The following SNX29 variants were observed in gnomAD, a reference collection of about 807,000 sequenced individuals.
SNX29 encodes the protein sorting nexin-29.
A neutral mutation model predicts 102.1 loss-of-function variants in SNX29; 78 were observed. The ratio of observed to expected loss-of-function variants is 0.76; its 90% CI spans 0.64 to 0.92. The LOEUF is 0.92. Among genes scored for constraint, SNX29 ranks in the 40% least tolerant of loss-of-function variants. SNX29 has a pLI of 0.00. For synonymous variants in SNX29, 580 were observed against 414.5 expected (o/e 1.40, Z -4.85); for missense variants, 1,280 against 1,061.7 (o/e 1.21, Z -2.86).
chr16:12,441,699 A>G (rs2085815081), intron 18 of SNX29, among the ~76,000 whole-genome samples: 1 of 152,132 alleles, frequency 6.6e-6, no homozygotes, highest in Non-Finnish European at 1.5e-5. Flanking sequence ...TCCTTTGCCT[A>G]CTTGAGGACA....
At chr16:12,052,454 T>A in intron 8 of SNX29, 1 of 437,726 alleles carries the variant, frequency 2.3e-6, no homozygotes. Context: ...TGACCTCAAG[T>A]GATCTGCCTG....
At chr16:12,398,233 G>C (rs1351626368) in intron 16 of SNX29, among the ~76,000 whole-genome samples, 2 of 152,108 alleles carry the variant, frequency 1.3e-5, no homozygotes, top group African/African-American at 2.4e-5. Flanking sequence ...AGATAATTGA[G>C]ATCCCTCATG....
intron 18 of SNX29, among the ~76,000 whole-genome samples, chr16:12,458,912 T>A (rs901216124): frequency 6.6e-6 from 1 of 152,180 alleles, no homozygotes; most frequent in South Asian, 2.1e-4. Flanking sequence ...AGTGGCAAAA[T>A]CTTACCTTGA....
chr16:12,382,256 G>C (rs1453563365), intron 16 of SNX29, among the ~76,000 whole-genome samples: 1 of 152,190 alleles, frequency 6.6e-6, no homozygotes, highest in Non-Finnish European at 1.5e-5. Flanking sequence ...TTCTAACTGA[G>C]AAAAGCGAAG....
In SNX29 at chr16:12,325,122, A is replaced by G. The variant is rs189252163; in HGVS notation, c.1783-31041A>G. On this transcript the variant is annotated intron_variant, in intron 15 of 20. Transcript: ENST00000566228. ...TGCAAAATTTTGCCCTTCGCTAGCA[A>G]TGTATCCCATCTCTACTTCTGCAGG... Among the ~76,000 whole-genome samples, 168 of 152,270 alleles carry G rather than the reference A, an allele frequency of 1.1e-3. 1 individual carries two copies. The highest frequency in any genetic ancestry group is 3.9e-3 in the African/African-American group (161 of 41,568).
At chr16:12,538,207 C>G (rs189530036) in intron 20 of SNX29, among the ~76,000 whole-genome samples, 237 of 152,220 alleles carry the variant, frequency 1.6e-3, no homozygotes, top group African/African-American at 5.4e-3. Flanking sequence ...GCTCTGTGTT[C>G]TGGGTTCATG....
At chr16:12,543,028 C>A (rs62026887) in intron 20 of SNX29, among the ~76,000 whole-genome samples, 2 of 152,046 alleles carry the variant, frequency 1.3e-5, no homozygotes, top group Non-Finnish European at 2.9e-5. Flanking sequence ...ATGGCTGGAT[C>A]CAGAGGCTCA....
intron 16 of SNX29, among the ~76,000 whole-genome samples, chr16:12,390,463 C>T (rs569892215): frequency 2.6e-5 from 4 of 152,144 alleles, no homozygotes; most frequent in African/African-American, 4.8e-5. Flanking sequence ...GACTGTCTCT[C>T]CTGGTGGATT....
intron 4 of SNX29, among the ~76,000 whole-genome samples, chr16:12,032,749 A>T (rs909759267): frequency 3.3e-5 from 5 of 152,070 alleles, no homozygotes; most frequent in African/African-American, 1.2e-4. Context: ...AAACCATCAG[A>T]GGGTTTTCCA....
intron 14 of SNX29, among the ~76,000 whole-genome samples, chr16:12,219,159 AG>A (rs2077407900): frequency 6.6e-6 from 1 of 152,166 alleles, no homozygotes; most frequent in Admixed American, 6.5e-5. Context: ...AAGGAGGTTC[AG>A]AAGTGCTGTT....
At chr16:12,155,453 G>C (rs142256533) in intron 13 of SNX29, among the ~76,000 whole-genome samples, 1 of 152,140 alleles carries the variant, frequency 6.6e-6, no homozygotes, top group African/African-American at 2.4e-5. Context: ...ATTAACAAGT[G>C]GAGGAGGGGA....
At chr16:12,305,012 C>T (rs75895105) in intron 15 of SNX29, among the ~76,000 whole-genome samples, 4,877 of 152,128 alleles carry the variant, frequency 0.032, 131 homozygotes, top group African/African-American at 0.064. Context: ...ATTTGATCTT[C>T]GATAATTTAG....
intron 3 of SNX29, among the ~76,000 whole-genome samples, chr16:12,010,814 A>G (rs1210808313): frequency 6.6e-6 from 1 of 152,084 alleles, no homozygotes; most frequent in African/African-American, 2.4e-5. Flanking sequence ...GAAGCTAAAA[A>G]CCAAAACCAG....
chr16:12,100,165 C>A (rs1368190169), intron 11 of SNX29, among the ~76,000 whole-genome samples: 1 of 152,192 alleles, frequency 6.6e-6, no homozygotes, highest in Non-Finnish European at 1.5e-5. Flanking sequence ...TTCAGTCATT[C>A]ATTCACCAAA....
At chr16:12,190,763 G>A (rs1176883876) in intron 13 of SNX29, among the ~76,000 whole-genome samples, 1 of 152,164 alleles carries the variant, frequency 6.6e-6, no homozygotes, top group African/African-American at 2.4e-5. Flanking sequence ...GCTGCAAGAG[G>A]AGGGGAGGGG....
At chr16:12,252,990 C>T (rs563575906) in intron 14 of SNX29, among the ~76,000 whole-genome samples, 4 of 152,116 alleles carry the variant, frequency 2.6e-5, no homozygotes, top group Admixed American at 6.5e-5. Context: ...AGGGTTCTTG[C>T]GTTGGGTTTG....
chr16:12,272,823 C>T, intron 14 of SNX29, among the ~76,000 whole-genome samples: 1 of 152,188 alleles, frequency 6.6e-6, no homozygotes, highest in South Asian at 2.1e-4. Flanking sequence ...CTCTGATCAA[C>T]ACGCCTGTTG....
intron 14 of SNX29, among the ~76,000 whole-genome samples, chr16:12,246,521 A>C (rs1331411132): frequency 6.6e-6 from 1 of 152,056 alleles, no homozygotes; most frequent in Non-Finnish European, 1.5e-5. Flanking sequence ...CACTCCTGTA[A>C]TCCCAGCTAC....
At chr16:12,008,954 C>G (rs575094792) in intron 3 of SNX29, among the ~76,000 whole-genome samples, 2 of 151,808 alleles carry the variant, frequency 1.3e-5, no homozygotes, top group Non-Finnish European at 2.9e-5. Context: ...GTTGGTCAGG[C>G]TGGTCTTAAA....
Sources: gnomAD v4.1 joint callset for allele counts (sites outside exome capture counted in the v4.1 genomes callset) on GRCh38, gnomAD v4.1.1 for gene constraint, MANE v1.5 for transcripts, NCBI Gene and HGNC (gene_info 2026-07-23, HGNC 2026-07-21) for gene names.